The following EMC3 variants were observed in gnomAD, a reference collection of about 807,000 sequenced individuals.
EMC3 encodes the protein 30 kDa protein.
Under a neutral mutation model 36.6 loss-of-function variants are expected in EMC3, and 13 were observed. That is an observed-to-expected ratio of 0.35 (90% CI 0.23 to 0.56). EMC3 has a LOEUF of 0.56. EMC3 is among the 20% of genes least tolerant of loss of function. The pLI is 0.84. For synonymous variants in EMC3, 120 were observed against 111.9 expected (o/e 1.07, Z -0.46); for missense variants, 220 against 324.5 (o/e 0.68, Z 2.47).
chr3:9,987,774 T>C (rs2085995595), upstream of EMC3: 2 of 480,832 alleles, frequency 4.2e-6, no homozygotes, highest in Non-Finnish European at 7.6e-6. Flanking sequence ...CACAACTCTA[T>C]TTTTCAAAAT....
intron 7 of EMC3, chr3:9,969,299 G>C: frequency 9.1e-7 from 1 of 1,101,838 alleles, no homozygotes; most frequent in African/African-American, 1.7e-5. Flanking sequence ...ATGAAACACA[G>C]TGAGATTTTG....
At chr3:9,981,949 AT>A (rs5846650) in intron 1 of EMC3, among the ~76,000 whole-genome samples, 33,496 of 147,374 alleles carry the variant, frequency 0.23, 4,175 homozygotes, top group African/African-American at 0.35. Flanking sequence ...GTTAAAAAAA[AT>A]TTTTTTTTTT....
chr3:10,006,356 C>T (rs1168045329), intron 1 of EMC3: 8 of 152,226 alleles, frequency 5.3e-5, no homozygotes, highest in African/African-American at 1.9e-4. Flanking sequence ...AAGATCGCCC[C>T]AACATAGTTG....
intron 1 of EMC3, chr3:10,004,158 T>G (rs971829527): frequency 7.2e-5 from 11 of 152,082 alleles, no homozygotes; most frequent in African/African-American, 2.7e-4. Flanking sequence ...AAATTTAAAG[T>G]GGAAGCTATT....
At chr3:9,966,920 C>G (rs9845748) in intron 7 of EMC3, among the ~76,000 whole-genome samples, 3,421 of 152,244 alleles carry the variant, frequency 0.022, 148 homozygotes, top group African/African-American at 0.078. Context: ...ACATAACATA[C>G]ACCACTTTTA....
chr3:9,968,842 G>C (rs747469501), intron 7 of EMC3: 2 of 137,992 alleles, frequency 1.4e-5, no homozygotes, highest in Non-Finnish European at 3.1e-5. Flanking sequence ...TTTTGAGACA[G>C]AGTTTTGCTC....
intron 1 of EMC3, among the ~76,000 whole-genome samples, chr3:9,984,113 C>T (rs1299210059): frequency 2.0e-5 from 3 of 150,778 alleles, no homozygotes; most frequent in African/African-American, 7.3e-5. Context: ...GATGGAGTCT[C>T]GCTCTGTCGC....
At chr3:9,985,254 G>C (rs1325426842) in intron 1 of EMC3, among the ~76,000 whole-genome samples, 1 of 152,204 alleles carries the variant, frequency 6.6e-6, no homozygotes, top group African/African-American at 2.4e-5. Flanking sequence ...CTTAAGTACA[G>C]TAGAAACAAA....
chr3:9,979,100 T>C (rs1202365684), intron 1 of EMC3, among the ~76,000 whole-genome samples: 1 of 152,178 alleles, frequency 6.6e-6, no homozygotes, highest in Admixed American at 6.5e-5. Flanking sequence ...CTCTGCTTCC[T>C]CCTCCTGAGC....
chr3:9,994,153 A>C, intron 1 of EMC3: 1 of 1,584,944 alleles, frequency 6.3e-7, no homozygotes, highest in Middle Eastern at 2.3e-4. Context: ...TGTTTCCTAC[A>C]GCTTCTTTTC....
intron 5 of EMC3, 73 bp from the exon 6 acceptor site, chr3:9,970,734 AC>A (rs746859484): frequency 6.1e-6 from 9 of 1,484,318 alleles, no homozygotes; most frequent in Non-Finnish European, 8.4e-6. Context: ...CTTCCCTACC[AC>A]CCAAAGTTGT....
At chr3:9,990,116 C>T (rs2086030002), upstream of EMC3, among the ~76,000 whole-genome samples, 1 of 151,752 alleles carries the variant, frequency 6.6e-6, no homozygotes. Flanking sequence ...GCTCCACCTC[C>T]TGGGTTCATG....
At position 10,008,576 on chromosome 3, in the gene EMC3, G is replaced by C. The variant is rs560374748; in HGVS notation, c.-242+2447C>G. On this transcript the variant is annotated intron_variant, in intron 1 of 8. Transcript: ENST00000470827. The stretch of plus-strand genomic sequence containing the variant: ...AGCCCAGAGAGCAGGGTCAGATAGT[G>C]GGGGGTGGGTTCAGCTCCACTGTCC... The C allele has an allele frequency of 5.0e-4, 363 of 728,822 alleles. 2 individuals are homozygous for C. The highest frequency in any genetic ancestry group is 5.9e-4 in the Non-Finnish European group (273 of 461,122). 45.1% of individuals were successfully genotyped at this position (728,822 alleles called of 1,614,324 possible).
At chr3:9,990,485 C>A (rs2086036184), upstream of EMC3, among the ~76,000 whole-genome samples, 1 of 151,980 alleles carries the variant, frequency 6.6e-6, no homozygotes, top group South Asian at 2.1e-4. Flanking sequence ...CAGGCAAGCA[C>A]CACCAGGCCT....
At chr3:9,984,225 G>C (rs2085943575) in intron 1 of EMC3, among the ~76,000 whole-genome samples, 2 of 151,932 alleles carry the variant, frequency 1.3e-5, no homozygotes, top group Admixed American at 6.6e-5. Context: ...GGGACTACAG[G>C]CACGTGCCAT....
At chr3:9,964,543 G>A (rs1385289627) in intron 7 of EMC3, among the ~76,000 whole-genome samples, 1 of 152,230 alleles carries the variant, frequency 6.6e-6, no homozygotes, top group African/African-American at 2.4e-5. Flanking sequence ...GCACCTTTGT[G>A]CCCCACAGTA....
chr3:9,980,776 G>A (rs1244192536), intron 1 of EMC3, among the ~76,000 whole-genome samples: 1 of 152,078 alleles, frequency 6.6e-6, no homozygotes, highest in Admixed American at 6.6e-5. Context: ...AATAGTATCT[G>A]TTATTTTTTC....
intron 1 of EMC3, among the ~76,000 whole-genome samples, chr3:9,998,499 A>G (rs538934156): frequency 6.6e-6 from 1 of 151,150 alleles, no homozygotes; most frequent in African/African-American, 2.4e-5. Flanking sequence ...GCGTGATCAT[A>G]GTTCACTGCA....
intron 5 of EMC3, among the ~76,000 whole-genome samples, chr3:9,972,859 C>T (rs574873829): frequency 1.8e-4 from 27 of 147,910 alleles, no homozygotes; most frequent in African/African-American, 6.2e-4. Flanking sequence ...GATGGAGTCT[C>T]ACTCTGTCGC....
Sources: allele counts gnomAD v4.1 joint callset (sites outside exome capture counted in the v4.1 genomes callset), GRCh38; gene constraint gnomAD v4.1.1; transcripts MANE v1.5; gene names NCBI Gene and HGNC (gene_info 2026-07-23, HGNC 2026-07-21).